RAP1GAP2: variants seen among roughly 807,000 people sequenced by gnomAD.
RAP1GAP2 encodes rap1 GTPase-activating protein 2.
A neutral mutation model predicts 95.0 loss-of-function variants in RAP1GAP2; 27 were observed. The ratio of observed to expected loss-of-function variants is 0.28; its 90% confidence interval spans 0.21 to 0.39. RAP1GAP2 has a LOEUF of 0.39. Ranked by LOEUF, RAP1GAP2 falls within the 10% of genes least tolerant of loss-of-function variation. The pLI, the probability that RAP1GAP2 is intolerant of heterozygous loss-of-function variation, is 1.00. For synonymous variants in RAP1GAP2, 373 were observed against 380.9 expected (o/e 0.98, Z 0.24); for missense variants, 771 against 970.0 (o/e 0.79, Z 2.72).
chr17:2,925,849 C>A (rs917609403), intron 3 of RAP1GAP2, among the ~76,000 whole-genome samples: 1 of 152,120 alleles, frequency 6.6e-6, no homozygotes, highest in Non-Finnish European at 1.5e-5. Context: ...GGGTTAGGAA[C>A]CTGGTCAGGC....
chr17:2,766,349 G>A (rs1369472768), intron 1 of RAP1GAP2, among the ~76,000 whole-genome samples: 3 of 152,114 alleles, frequency 2.0e-5, no homozygotes, highest in African/African-American at 7.2e-5. Flanking sequence ...CTTGAAAGTG[G>A]AGCCCACATC....
intron 3 of RAP1GAP2, among the ~76,000 whole-genome samples, chr17:2,942,984 G>C (rs1057364390): frequency 2.6e-5 from 4 of 152,132 alleles, no homozygotes; most frequent in Middle Eastern, 3.4e-3. Flanking sequence ...GGTCAGGCTG[G>C]TCTTGAACTC....
At position 3,033,205 on chromosome 17, in the gene RAP1GAP2, T is replaced by A. The variant is rs1418810560; in HGVS notation, c.*31-187T>A. The A allele has an allele frequency of 1.3e-5, 2 of 152,542 alleles. No homozygotes were observed. The highest frequency in any genetic ancestry group is 2.9e-5 in the Non-Finnish European group (2 of 68,238). 9.4% of individuals were successfully genotyped at this position (152,542 alleles called of 1,614,324 possible). A position where few individuals can be genotyped will look rare whatever the true frequency, so the allele number is the denominator to read the frequency against. ...CCACTGCCCACCAAAGCCGTGGCTA[T>A]GCGCAGCTTCTCGGGCCACGCAAGG... is the stretch of plus-strand genomic sequence containing the variant. On this transcript the variant is annotated intron_variant, in intron 24 of 24. Transcript: ENST00000254695. This position sits in a 1 kb window ranked among gnomAD's most constrained non-coding sequence, Gnocchi z 4.9.
chr17:2,811,641 G>A (rs1385831240), intron 2 of RAP1GAP2, among the ~76,000 whole-genome samples: 3 of 152,146 alleles, frequency 2.0e-5, no homozygotes, highest in African/African-American at 7.2e-5. Context: ...GCAATGGCAC[G>A]ATCTTGGTGC....
At chr17:2,861,477 C>CT (rs560177617) in intron 2 of RAP1GAP2, among the ~76,000 whole-genome samples, 20,401 of 132,496 alleles carry the variant, frequency 0.15, 1,657 homozygotes, top group East Asian at 0.25. Context: ...TCTCTGGGGT[C>CT]TTTTTTTTTT....
chr17:2,780,741 T>C (rs1195856634), intron 1 of RAP1GAP2, among the ~76,000 whole-genome samples: 1 of 152,250 alleles, frequency 6.6e-6, no homozygotes, highest in Non-Finnish European at 1.5e-5. Flanking sequence ...TAAAGTCTAC[T>C]CCGATCTCTG....
At chr17:2,804,080 C>T (rs2069412141) in intron 2 of RAP1GAP2, among the ~76,000 whole-genome samples, 1 of 152,142 alleles carries the variant, frequency 6.6e-6, no homozygotes, top group Non-Finnish European at 1.5e-5. Flanking sequence ...CAAGATGCCT[C>T]CTCCCTCTGC....
intron 3 of RAP1GAP2, among the ~76,000 whole-genome samples, chr17:2,930,684 C>G (rs1212788014): frequency 3.3e-5 from 5 of 152,230 alleles, no homozygotes; most frequent in Non-Finnish European, 7.3e-5. Flanking sequence ...GCTGAGGTCT[C>G]TAACGTGTCC....
intron 3 of RAP1GAP2, among the ~76,000 whole-genome samples, chr17:2,952,912 C>G (rs569248300): frequency 9.3e-4 from 141 of 152,082 alleles, no homozygotes; most frequent in Admixed American, 2.4e-3. Context: ...TCAAGTGATT[C>G]TCATGCCTCA....
chr17:2,957,927 C>G, intron 4 of RAP1GAP2, 133 bp downstream of exon 4: 1 of 995,932 alleles, frequency 1.0e-6, no homozygotes, highest in Non-Finnish European at 1.4e-6. Context: ...ATTGCATCCC[C>G]TTGGCCCAGA....
At chr17:2,967,096 C>G (rs557750539) in intron 8 of RAP1GAP2, among the ~76,000 whole-genome samples, 4 of 152,160 alleles carry the variant, frequency 2.6e-5, no homozygotes, top group Admixed American at 1.3e-4. Context: ...TGGCCAGGCA[C>G]GGTGGCTCAC....
intron 3 of RAP1GAP2, among the ~76,000 whole-genome samples, chr17:2,953,674 CTG>C (rs2043997538): frequency 6.6e-6 from 1 of 152,104 alleles, no homozygotes; most frequent in East Asian, 1.9e-4. Context: ...TGGTGAAACC[CTG>C]TCTCTACCAA....
rs371587174 is a variant in RAP1GAP2 at position 2,965,847 on chromosome 17, ACAGT to A, written c.596+208_596+211del. 1.6e-5 allele frequency: 9 copies of A among 576,176 alleles called. No individual in the cohort carries two copies. The highest frequency in any genetic ancestry group is 9.3e-5 in the African/African-American group (5 of 53,532). 35.7% of individuals were successfully genotyped at this position (576,176 alleles called of 1,614,324 possible). A position where few individuals can be genotyped will look rare whatever the true frequency, so the allele number is the denominator to read the frequency against. On this transcript the variant is annotated intron_variant, in intron 8 of 24. Transcript: ENST00000254695. The surrounding 1 kb of genome is among the most constrained non-coding windows in gnomAD (Gnocchi z 4.7). The stretch of plus-strand genomic sequence containing the variant: ...ACCCACGCGCTCCACCAGTTAGCTG[ACAGT>A]CAGAGGGGCATCCAGGTCTCAAGGT...
At position 2,855,443 on chromosome 17, in the gene RAP1GAP2, G is replaced by A. The variant is rs1490324413; in HGVS notation, c.81-49841G>A. ...ACCTCCGGCTCCCGGTCCTCTGAGTGGGGAACAGTTGCCTGGCTAGAACTT... is the reference window on the plus strand; with the variant it reads ...ACCTCCGGCTCCCGGTCCTCTGAGTAGGGAACAGTTGCCTGGCTAGAACTT... On this transcript the variant is annotated intron_variant, in intron 2 of 24. Transcript: ENST00000254695. This position sits in a 1 kb window ranked among gnomAD's most constrained non-coding sequence, Gnocchi z 4.3. Among the ~76,000 whole-genome samples the A allele has an allele frequency of 2.6e-5, 4 of 152,148 alleles. No homozygotes were observed. Among genetic ancestry groups the A allele is most frequent in the Non-Finnish European group, 5.9e-5 (4 of 68,026 alleles).
chr17:2,907,877 G>T (rs2042250471), intron 3 of RAP1GAP2, among the ~76,000 whole-genome samples: 1 of 152,096 alleles, frequency 6.6e-6, no homozygotes, highest in Non-Finnish European at 1.5e-5. Context: ...CGCGATCTTG[G>T]CTCACTGCAA....
intron 3 of RAP1GAP2, among the ~76,000 whole-genome samples, chr17:2,954,447 G>C (rs548766058): frequency 4.6e-5 from 7 of 152,066 alleles, no homozygotes; most frequent in Non-Finnish European, 1.0e-4. Context: ...CCATTCTCTT[G>C]TGTAGGTGTC....
At chr17:2,782,163 C>T (rs184794188) in intron 1 of RAP1GAP2, among the ~76,000 whole-genome samples, 357 of 152,296 alleles carry the variant, frequency 2.3e-3, no homozygotes, top group Non-Finnish European at 3.4e-3. Flanking sequence ...TCTCTCCAGG[C>T]TTCCTTATCC....
rs916982461 is a variant in RAP1GAP2, at chr17:2,866,934, T to G, written c.81-38350T>G. On this transcript the variant is annotated intron_variant, in intron 2 of 24. Coordinates refer to ENST00000254695, the MANE Select transcript of RAP1GAP2 (RefSeq NM_015085.5). The surrounding 1 kb of genome is among the most constrained non-coding windows in gnomAD (Gnocchi z 4.0). ...TTTTATTTTAGAGATGGAGTCTCAC[T>G]CTGTCACCCAGGCTGGAGTGCAGTG... Among the ~76,000 whole-genome samples, 4 of 139,552 alleles carry G rather than the reference T, an allele frequency of 2.9e-5. No individual in the cohort carries two copies. The highest frequency in any genetic ancestry group is 6.2e-5 in the Non-Finnish European group (4 of 64,956). The allele number at this position is 139,552 out of a possible 152,430, so 91.6% of individuals were successfully genotyped here. A position where few individuals can be genotyped will look rare whatever the true frequency, so the allele number is the denominator to read the frequency against.
intron 3 of RAP1GAP2, among the ~76,000 whole-genome samples, chr17:2,944,182 A>AC (rs1491197375): frequency 0.017 from 2,526 of 148,002 alleles, 49 homozygotes; most frequent in East Asian, 0.056. Flanking sequence ...AAAAAAAAAA[A>AC]ACCAAACCAC....
Sources: gnomAD v4.1 joint callset for allele counts (sites outside exome capture counted in the v4.1 genomes callset) on GRCh38, gnomAD v4.1.1 for gene constraint, Gnocchi (gnomAD v3.1) non-coding constraint, MANE v1.5 for transcripts, NCBI Gene and HGNC (gene_info 2026-07-23, HGNC 2026-07-21) for gene names.